The following MOSMO variants were observed in gnomAD, a reference collection of about 807,000 sequenced individuals.
The protein encoded by MOSMO is modulator of smoothened.
A neutral mutation model predicts 18.4 loss-of-function variants in MOSMO; 5 were observed. The observed-to-expected ratio is 0.27, with a 90% CI of 0.14 to 0.57. The LOEUF is 0.57. Among genes scored for constraint, MOSMO ranks in the 20% least tolerant of loss-of-function variants. The probability of loss-of-function intolerance (pLI) is 0.92; values close to 1 mark genes in which losing one functional copy is unlikely to be tolerated. For missense variants in MOSMO, 138 were observed against 211.8 expected (o/e 0.65, Z 2.16); for synonymous variants, 82 against 82.3 (o/e 1.00, Z 0.02).
intron 1 of MOSMO, among the ~76,000 whole-genome samples, chr16:22,024,016 T>TATATATATATA (rs57968547): frequency 2.7e-5 from 4 of 145,550 alleles, no homozygotes; most frequent in South Asian, 2.2e-4. Flanking sequence ...TATATATATA[T>TATATATATATA]TTTCTTAAGA....
chr16:22,077,839 C>T (rs1901000094), intron 2 of MOSMO, among the ~76,000 whole-genome samples: 1 of 152,044 alleles, frequency 6.6e-6, no homozygotes, highest in South Asian at 2.1e-4. Flanking sequence ...CTTTTAGCTT[C>T]CTTAAATACA....
chr16:22,058,297 G>T (rs552892501), intron 1 of MOSMO, among the ~76,000 whole-genome samples: 1 of 152,062 alleles, frequency 6.6e-6, no homozygotes, highest in Admixed American at 6.5e-5. Context: ...GTGATGGCGT[G>T]CTCCTGTAAT....
rs113833113 is a variant in MOSMO, at chr16:22,083,630, A to C, written c.*2750A>C. ...TAAACTGTATATAAAACACTGTTTT[A>C]TGGTGCAATCATTTGTCAAACTTTT... On this transcript the variant is annotated 3_prime_UTR_variant, in exon 3 of 3. Transcript: ENST00000542527. 2 of 453,232 alleles carry C rather than the reference A, an allele frequency of 4.4e-6. No homozygotes were observed. Among genetic ancestry groups the C allele is most frequent in the East Asian group, 7.0e-5 (1 of 14,358 alleles). 28.1% of individuals were successfully genotyped at this position (453,232 alleles called of 1,614,324 possible).
intron 1 of MOSMO, among the ~76,000 whole-genome samples, chr16:22,029,568 C>G (rs921479352): frequency 1.3e-5 from 2 of 152,164 alleles, no homozygotes; most frequent in Non-Finnish European, 1.5e-5. Flanking sequence ...AATGCTGTTG[C>G]ATTCTTAAAA....
chr16:22,074,961 A>T (rs534970660), intron 1 of MOSMO, among the ~76,000 whole-genome samples: 1 of 152,330 alleles, frequency 6.6e-6, no homozygotes, highest in Non-Finnish European at 1.5e-5. Context: ...TTTCATAAAC[A>T]TATTGCTTCT....
At chr16:22,071,614 A>T (rs1167279675) in intron 1 of MOSMO, among the ~76,000 whole-genome samples, 2 of 152,204 alleles carry the variant, frequency 1.3e-5, no homozygotes. Context: ...AGTAAGACTC[A>T]GGATGACTTT....
At chr16:22,056,528 AC>A (rs796329771) in intron 1 of MOSMO, among the ~76,000 whole-genome samples, 19 of 148,696 alleles carry the variant, frequency 1.3e-4, no homozygotes, top group African/African-American at 4.7e-4. Context: ...GCACTACCAC[AC>A]CCGGTTAATT....
At chr16:22,055,264 G>T (rs1039926425) in intron 1 of MOSMO, among the ~76,000 whole-genome samples, 18 of 152,050 alleles carry the variant, frequency 1.2e-4, no homozygotes, top group African/African-American at 3.4e-4. Context: ...TGTGTGTGAA[G>T]GAGTCAACAC....
rs1901086646 is a variant in MOSMO at position 22,081,644 on chromosome 16, G to A, written c.*764G>A. 6.7e-6 allele frequency: 1 copy of A among 149,238 alleles called. No individual in the cohort carries two copies. The highest frequency in any genetic ancestry group is 1.5e-5 in the Non-Finnish European group (1 of 67,694). The allele number at this position is 149,238 out of a possible 1,614,324, so 9.2% of individuals were successfully genotyped here. On this transcript the variant is annotated 3_prime_UTR_variant, in exon 3 of 3. Transcript: ENST00000542527. ...TATGTGTGTGTGTGTGTGTGTGTAT[G>A]TGTGTGTAAATTTATATACACACAC...
chr16:22,046,294 A>G (rs1222324824), intron 1 of MOSMO, among the ~76,000 whole-genome samples: 1 of 152,150 alleles, frequency 6.6e-6, no homozygotes, highest in Admixed American at 6.5e-5. Context: ...CTCATGTGGT[A>G]GTTATGTTCT....
intron 1 of MOSMO, among the ~76,000 whole-genome samples, chr16:22,033,159 A>T (rs77181241): frequency 0.043 from 6,613 of 152,232 alleles, 564 homozygotes; most frequent in East Asian, 0.4. Flanking sequence ...TTCTATGGCT[A>T]TTCTGAGTCC....
At chr16:22,014,097 T>G (rs1899590173) in intron 1 of MOSMO, among the ~76,000 whole-genome samples, 1 of 152,106 alleles carries the variant, frequency 6.6e-6, no homozygotes, top group Non-Finnish European at 1.5e-5. Context: ...CAGACAGAAC[T>G]GGGGGAACTG....
At chr16:22,021,804 A>T (rs910054490) in intron 1 of MOSMO, among the ~76,000 whole-genome samples, 7 of 151,982 alleles carry the variant, frequency 4.6e-5, no homozygotes, top group African/African-American at 9.7e-5. Flanking sequence ...TCTCAAAAAA[A>T]AAATATATAT....
intron 1 of MOSMO, among the ~76,000 whole-genome samples, chr16:22,017,366 G>A (rs1024909033): frequency 1.3e-5 from 2 of 152,132 alleles, no homozygotes; most frequent in African/African-American, 4.8e-5. Flanking sequence ...CATATTTACA[G>A]CTTTACCTTT....
chr16:22,074,193 G>T (rs906483247), intron 1 of MOSMO, among the ~76,000 whole-genome samples: 2 of 152,166 alleles, frequency 1.3e-5, no homozygotes, highest in Non-Finnish European at 2.9e-5. Flanking sequence ...AATTTCACCA[G>T]TTCCCTTCAC....
intron 1 of MOSMO, among the ~76,000 whole-genome samples, chr16:22,029,217 T>C (rs932622047): frequency 7.9e-5 from 12 of 152,194 alleles, no homozygotes; most frequent in Admixed American, 5.2e-4. Context: ...TTAATGTACA[T>C]ACATTCTTGA....
intron 1 of MOSMO, among the ~76,000 whole-genome samples, chr16:22,023,997 T>TTATATATATATATATATA (rs72336979): frequency 0.024 from 2,966 of 126,098 alleles, 218 homozygotes; most frequent in African/African-American, 0.09. Context: ...TTTGTACAAA[T>TTATATATATATATATATA]TATATATATA....
chr16:22,032,680 G>A (rs1360728264), intron 1 of MOSMO, among the ~76,000 whole-genome samples: 3 of 152,026 alleles, frequency 2.0e-5, no homozygotes, highest in Non-Finnish European at 4.4e-5. Flanking sequence ...CCAAGTAGCT[G>A]GGACTACAGG....
chr16:22,046,438 T>C (rs1263334794), intron 1 of MOSMO, among the ~76,000 whole-genome samples: 1 of 152,118 alleles, frequency 6.6e-6, no homozygotes, highest in Admixed American at 6.5e-5. Context: ...TGTCTCTGTT[T>C]TAGGACATAT....
Sources: allele counts gnomAD v4.1 joint callset (sites outside exome capture counted in the v4.1 genomes callset), GRCh38; gene constraint gnomAD v4.1.1; transcripts MANE v1.5; gene names NCBI Gene and HGNC (gene_info 2026-07-23, HGNC 2026-07-21).